Variants in ARAP1 observed in about 807,000 individuals in gnomAD.
ARAP1 encodes ArfGAP with RhoGAP domain, ankyrin repeat and PH domain 1.
In ARAP1, 76 loss-of-function variants were observed where a neutral mutation model predicts 172.2. The ratio of observed to expected loss-of-function variants is 0.44; its 90% CI spans 0.37 to 0.53. ARAP1 has a LOEUF of 0.53. Among genes scored for constraint, ARAP1 ranks in the 20% least tolerant of loss-of-function variants. ARAP1 has a pLI of 0.00. For synonymous variants in ARAP1, 804 were observed against 803.3 expected (o/e 1.00, Z -0.01); for missense variants, 1,686 against 1,977.5 (o/e 0.85, Z 2.80).
At chr11:72,701,023 G>C (rs1693731052) in intron 16 of ARAP1, among the ~76,000 whole-genome samples, 1 of 152,112 alleles carries the variant, frequency 6.6e-6, no homozygotes, top group Admixed American at 6.5e-5. Context: ...AGAGATGGGG[G>C]GTGCTATTTT....
In ARAP1 at chr11:72,697,896, G is replaced by A. The variant is rs772083333; in HGVS notation, c.2737+15C>T. 5.1e-6 allele frequency: 8 copies of A among 1,572,196 alleles called. No homozygotes were observed. The African/African-American group carries it at 9.5e-5, about 19-fold the overall frequency. On this transcript the variant is annotated intron_variant, in intron 19 of 34. Coordinates refer to ENST00000393609, the MANE Select transcript of ARAP1 (RefSeq NM_001040118.3). ...GGTGCCCTGGAGGCTGGGGGCCCAGGTCTGGTCCACGCACAAAGCTCCTGC... is the reference window on the plus strand; with the variant it reads ...GGTGCCCTGGAGGCTGGGGGCCCAGATCTGGTCCACGCACAAAGCTCCTGC...
At chr11:72,711,742 C>T (rs543984243) in intron 7 of ARAP1, among the ~76,000 whole-genome samples, 177 of 139,526 alleles carry the variant, frequency 1.3e-3, no homozygotes, top group Non-Finnish European at 1.8e-3. Flanking sequence ...GCCACACAGG[C>T]TGGAAGGCAG....
chr11:72,704,061 G>T, intron 14 of ARAP1, 91 bp downstream of exon 14: 1 of 1,507,726 alleles, frequency 6.6e-7, no homozygotes, highest in Non-Finnish European at 9.1e-7. Context: ...TCCCTGAGCT[G>T]GTAGATGAGA....
intron 18 of ARAP1, 126 bp downstream of exon 18, chr11:72,698,875 CTCCA>C: frequency 1.0e-6 from 1 of 984,250 alleles, no homozygotes; most frequent in Non-Finnish European, 1.6e-6. Flanking sequence ...GACAGGCCCG[CTCCA>C]TGTCTGCTGC....
At chr11:72,749,992 C>G (rs776911135) in intron 1 of ARAP1, among the ~76,000 whole-genome samples, 1 of 152,204 alleles carries the variant, frequency 6.6e-6, no homozygotes, top group Non-Finnish European at 1.5e-5. Flanking sequence ...TCATCTCTAG[C>G]TCTTGGCCTC....
At chr11:72,716,333 T>C (rs1168671383) in intron 3 of ARAP1, among the ~76,000 whole-genome samples, 1 of 152,252 alleles carries the variant, frequency 6.6e-6, no homozygotes, top group Non-Finnish European at 1.5e-5. Context: ...TACTTGTCTC[T>C]TCTCCAGGTG....
rs1473258137 is a variant in ARAP1 at position 72,713,224 on chromosome 11, C to T, written c.699G>A (p.Glu233=). ...GGGCCCCCGGCCCCTCCTCTGGGAC[C>T]TCATCGTAGTCAGAGTCATCTGGTG... The part of the protein sequence containing the change: ...FPEFDDSDYD[E]VPEEGPGAPA... The change falls in exon 5 of 35, where the codon GAG becomes GAA. Residue 233 remains glutamate, a synonymous_variant. Coordinates refer to ENST00000393609, the MANE Select transcript of ARAP1 (RefSeq NM_001040118.3). The T allele has an allele frequency of 2.5e-6, 4 of 1,613,416 alleles. No homozygotes were observed. In the Admixed American group the frequency reaches 6.7e-5, roughly 27 times the overall value.
intron 1 of ARAP1, among the ~76,000 whole-genome samples, chr11:72,739,874 C>G: frequency 6.6e-6 from 1 of 152,198 alleles, no homozygotes; most frequent in East Asian, 1.9e-4. Flanking sequence ...ACTACCACAG[C>G]CTACCTCCAG....
chr11:72,706,191 T>C (rs1479082380), intron 12 of ARAP1, among the ~76,000 whole-genome samples: 1 of 152,170 alleles, frequency 6.6e-6, no homozygotes, highest in Non-Finnish European at 1.5e-5. Flanking sequence ...CTCTTTAAAA[T>C]GTAAATCCCT....
intron 5 of ARAP1, 51 bp downstream of exon 5, chr11:72,713,117 AGGCAGCTG>A: frequency 6.4e-7 from 1 of 1,556,632 alleles, no homozygotes; most frequent in South Asian, 1.1e-5. Context: ...AGGGTCTGAC[AGGCAGCTG>A]GGCACCCCCA....
In ARAP1 at chr11:72,697,151, T is replaced by C; in HGVS notation, c.2998A>G (p.Lys1000Glu). 1.2e-6 allele frequency: 2 copies of C among 1,604,722 alleles called. No individual in the cohort carries two copies. Among genetic ancestry groups the C allele is most frequent in the Non-Finnish European group, 1.7e-6 (2 of 1,179,834 alleles). ...AGGCTCTCCAGCAGCCGCTGTGTCT[T>C]CGATGTCTGCCCACACTTGCGGTAG... is the stretch of plus-strand genomic sequence containing the variant. Reference protein sequence around the residue: ...GIYRKCGQTSKTQRLLESLRQ... With the variant: ...GIYRKCGQTSETQRLLESLRQ... Residue 1000 changes from lysine to glutamate, a missense_variant, in exon 22 of 35, where the codon AAG becomes GAG. Around this residue, in one of 5 missense-constraint regions of ARAP1, gnomAD observed 274 missense variants for 262.7 expected, o/e 1.04. Transcript: ENST00000393609.
chr11:72,685,368 C>T lies in ARAP1; in HGVS notation c.*296G>A. On this transcript the variant is annotated 3_prime_UTR_variant, in exon 35 of 35. Transcript: ENST00000393609. The stretch of plus-strand genomic sequence containing the variant: ...GGTGGTGGTCCTCCCAAGTTCCTGA[C>T]TTATGCCCATCTCTCCAGCCCCACA... 2.0e-6 allele frequency: 1 copy of T among 492,280 alleles called. No homozygotes were observed. Among genetic ancestry groups the T allele is most frequent in the Non-Finnish European group, 3.7e-6 (1 of 273,612 alleles). 30.5% of individuals were successfully genotyped at this position (492,280 alleles called of 1,614,324 possible).
chr11:72,734,621 AT>A (rs1230582287), intron 1 of ARAP1, among the ~76,000 whole-genome samples: 2 of 152,234 alleles, frequency 1.3e-5, no homozygotes, highest in Admixed American at 1.3e-4. Flanking sequence ...GATACATATG[AT>A]TGCTATCCCT....
intron 3 of ARAP1, chr11:72,722,349 A>G (rs1857554035): frequency 1.0e-6 from 1 of 985,488 alleles, no homozygotes; most frequent in Non-Finnish European, 1.2e-6. Flanking sequence ...ACACTGAGAA[A>G]GCGAAAAGTC....
At position 72,699,607 on chromosome 11, in the gene ARAP1, C is replaced by A; in HGVS notation, c.2303-55G>T. 6.3e-7 allele frequency: 1 copy of A among 1,577,028 alleles called. No homozygotes were observed. The highest frequency in any genetic ancestry group is 8.6e-7 in the Non-Finnish European group (1 of 1,162,248). ...AGGGAGCCCCCCACCACCTGAAAAC[C>A]ACCTCTGCATCCTCCCGGGGCTCCT... On this transcript the variant is annotated intron_variant, in intron 16 of 34. Coordinates refer to ENST00000393609, the MANE Select transcript of ARAP1 (RefSeq NM_001040118.3). This position sits in a 1 kb window ranked among gnomAD's most constrained non-coding sequence, Gnocchi z 4.2.
rs754561563 is a variant in ARAP1 at position 72,710,481 on chromosome 11, C to T, written c.1320G>A (p.Gln440=). Residue 440 remains glutamine (Q), a synonymous_variant, in exon 10 of 35, where the codon CAG becomes CAA. Transcript: ENST00000393609. This position sits in a 1 kb window ranked among gnomAD's most constrained non-coding sequence, Gnocchi z 4.3. The part of the protein sequence containing the change: ...AYLLGVPGSE[Q]PDRAGSLELR... ...GCTCCAGGCTGCCAGCGCGGTCAGG[C>T]TGCTCTGAGCCTGGAACTCCCAGCA... The T allele has an allele frequency of 6.2e-7, 1 of 1,614,096 alleles. No individual in the cohort carries two copies. The highest frequency in any genetic ancestry group is 1.7e-5 in the Admixed American group (1 of 60,020).
At chr11:72,697,712 CCTCT>C in intron 19 of ARAP1, 63 bp from the exon 20 acceptor site, 2 of 1,597,590 alleles carry the variant, frequency 1.3e-6, no homozygotes, top group South Asian at 2.2e-5. Flanking sequence ...CTGCTCCCTC[CCTCT>C]GTGAGCACAC....
At position 72,697,660 on chromosome 11, in the gene ARAP1, G is replaced by T. The variant is rs1200432559; in HGVS notation, c.2738-11C>A. On this transcript the variant is annotated splice_polypyrimidine_tract_variant and intron_variant, in intron 19 of 34. Coordinates refer to ENST00000393609, the MANE Select transcript of ARAP1 (RefSeq NM_001040118.3). The stretch of plus-strand genomic sequence containing the variant: ...TGTCCCCCTGGATGGCTGTGGAGGG[G>T]TTAGTCAAGGTGAGGCCCAGGTCTT... The T allele has an allele frequency of 2.5e-6, 4 of 1,613,994 alleles. No individual in the cohort carries two copies. Among genetic ancestry groups the T allele is most frequent in the Admixed American group, 1.7e-5 (1 of 60,018 alleles).
chr11:72,710,070 G>A lies in ARAP1; in HGVS notation c.1417-94C>T. On this transcript the variant is annotated intron_variant, in intron 10 of 34. Transcript: ENST00000393609. This position sits in a 1 kb window ranked among gnomAD's most constrained non-coding sequence, Gnocchi z 4.3. ...AGGAAGGGAAGGTGGTGCAACTCAG[G>A]GACTGGGGGGGGTGCCCAGGAGGGA... 2 of 1,155,594 alleles carry A rather than the reference G, an allele frequency of 1.7e-6. No homozygotes were observed. The highest frequency in any genetic ancestry group is 2.6e-6 in the Non-Finnish European group (2 of 772,586). 71.6% of individuals were successfully genotyped at this position (1,155,594 alleles called of 1,614,324 possible). A position where few individuals can be genotyped will look rare whatever the true frequency, so the allele number is the denominator to read the frequency against.
Sources: gnomAD v4.1 joint callset for allele counts (sites outside exome capture counted in the v4.1 genomes callset) on GRCh38, gnomAD v4.1.1 for gene constraint, gnomAD v4.1.1 regional missense constraint, Gnocchi (gnomAD v3.1) non-coding constraint, MANE v1.5 for transcripts, NCBI Gene and HGNC (gene_info 2026-07-23, HGNC 2026-07-21) for gene names.